The following SHLD1 variants were observed in gnomAD, a reference collection of about 807,000 sequenced individuals.
The protein encoded by SHLD1 is shieldin complex subunit 1, also known as RINN1-REV7-interacting novel NHEJ regulator 3.
Under a neutral mutation model 5.5 loss-of-function variants are expected in SHLD1, and 3 were observed. That is an observed-to-expected ratio of 0.54 (90% CI 0.25 to 1.40). SHLD1 has a LOEUF of 1.40. SHLD1 is among the 40% of genes most tolerant of loss of function. SHLD1 has a pLI of 0.15. For missense variants in SHLD1, 210 were observed against 244.4 expected (o/e 0.86, Z 0.94); for synonymous variants, 92 against 94.3 (o/e 0.98, Z 0.14).
chr20:5,768,812 C>T (rs940072772), intron 1 of SHLD1, among the ~76,000 whole-genome samples: 16 of 151,814 alleles, frequency 1.1e-4, no homozygotes, highest in Non-Finnish European at 2.2e-4. Context: ...CACGTGGGCA[C>T]ATTGGCTGGG....
At chr20:5,792,967 G>T (rs1030691148) in intron 2 of SHLD1, among the ~76,000 whole-genome samples, 5 of 152,190 alleles carry the variant, frequency 3.3e-5, no homozygotes, top group Admixed American at 1.3e-4. Context: ...GAGCCACCAC[G>T]CCTGGCCTCG....
chr20:5,798,778 C>T (rs571191774), intron 2 of SHLD1, among the ~76,000 whole-genome samples: 138 of 151,596 alleles, frequency 9.1e-4, no homozygotes, highest in African/African-American at 3.2e-3. Flanking sequence ...CCACCGTGCC[C>T]GGCTAATTTT....
chr20:5,784,706 T>A (rs1259820078), intron 2 of SHLD1, among the ~76,000 whole-genome samples: 2 of 152,322 alleles, frequency 1.3e-5, no homozygotes, highest in East Asian at 1.9e-4. Context: ...CGCCTCAGCC[T>A]CCCAAAGTGC....
chr20:5,780,692 T>A (rs917312180), intron 2 of SHLD1, among the ~76,000 whole-genome samples: 1 of 152,218 alleles, frequency 6.6e-6, no homozygotes, highest in Non-Finnish European at 1.5e-5. Context: ...GGCCTATCCC[T>A]GCCCTGCTTT....
intron 2 of SHLD1, among the ~76,000 whole-genome samples, chr20:5,861,378 T>A (rs1053734718): frequency 6.6e-6 from 1 of 152,262 alleles, no homozygotes; most frequent in Non-Finnish European, 1.5e-5. Context: ...CTCTTCTTCC[T>A]ACTTAGATTC....
intron 2 of SHLD1, among the ~76,000 whole-genome samples, chr20:5,796,382 A>G (rs1005408074): frequency 4.6e-5 from 7 of 150,682 alleles, no homozygotes; most frequent in African/African-American, 9.8e-5. Context: ...GATAATTGCT[A>G]AACTATGATT....
At chr20:5,767,057 C>G (rs903194794) in intron 1 of SHLD1, among the ~76,000 whole-genome samples, 1 of 152,162 alleles carries the variant, frequency 6.6e-6, no homozygotes, top group Admixed American at 6.6e-5. Flanking sequence ...AATAAAAAAC[C>G]CAGTCACCGA....
chr20:5,816,135 T>A (rs1345840063), intron 2 of SHLD1, among the ~76,000 whole-genome samples: 1 of 149,184 alleles, frequency 6.7e-6, no homozygotes, highest in Non-Finnish European at 1.5e-5. Flanking sequence ...CATAAACTGG[T>A]AGAATACACA....
intron 2 of SHLD1, among the ~76,000 whole-genome samples, chr20:5,859,152 G>A (rs748474881): frequency 6.6e-5 from 10 of 152,196 alleles, no homozygotes. Context: ...GAAGGGTGCT[G>A]TGCAGGGAAT....
At chr20:5,818,095 T>A (rs1161900622) in intron 2 of SHLD1, among the ~76,000 whole-genome samples, 2 of 152,102 alleles carry the variant, frequency 1.3e-5, no homozygotes, top group South Asian at 2.1e-4. Context: ...TTTATTTTTT[T>A]ATTTTTTTTG....
intron 1 of SHLD1, among the ~76,000 whole-genome samples, chr20:5,759,112 G>T (rs373233241): frequency 6.6e-6 from 1 of 151,402 alleles, no homozygotes; most frequent in Non-Finnish European, 1.5e-5. Context: ...CCGCCACCAC[G>T]CCCAGCTAAT....
chr20:5,779,654 G>A (rs1247866524), intron 2 of SHLD1, among the ~76,000 whole-genome samples: 1 of 152,138 alleles, frequency 6.6e-6, no homozygotes. Context: ...GTGTTGTAAG[G>A]AAGTTGATCT....
intron 2 of SHLD1, among the ~76,000 whole-genome samples, chr20:5,839,021 A>G (rs1395658788): frequency 6.6e-6 from 1 of 152,118 alleles, no homozygotes; most frequent in Non-Finnish European, 1.5e-5. Context: ...TACACCATGG[A>G]GATAGATTGG....
At chr20:5,846,427 G>A (rs949456487) in intron 2 of SHLD1, among the ~76,000 whole-genome samples, 1 of 152,230 alleles carries the variant, frequency 6.6e-6, no homozygotes, top group African/African-American at 2.4e-5. Context: ...CTTGGCCGCA[G>A]TAAACAGTCG....
chr20:5,767,572 C>T (rs886204825), intron 1 of SHLD1, among the ~76,000 whole-genome samples: 4 of 152,178 alleles, frequency 2.6e-5, no homozygotes, highest in African/African-American at 4.8e-5. Flanking sequence ...CCACTGCAGG[C>T]GAATGAATTC....
At chr20:5,816,645 A>G (rs924486758) in intron 2 of SHLD1, among the ~76,000 whole-genome samples, 5 of 152,310 alleles carry the variant, frequency 3.3e-5, no homozygotes, top group Non-Finnish European at 7.3e-5. Context: ...TTTCCAGTTC[A>G]TATTTTTTCT....
intron 2 of SHLD1, among the ~76,000 whole-genome samples, chr20:5,817,432 CTGTGTG>C (rs1190340129): frequency 0.02 from 1,742 of 85,328 alleles, 24 homozygotes; most frequent in Middle Eastern, 0.035. Context: ...CTCTCTCTCT[CTGTGTG>C]TGTGTGTGTG....
chr20:5,816,348 C>T, intron 2 of SHLD1, among the ~76,000 whole-genome samples: 1 of 152,108 alleles, frequency 6.6e-6, no homozygotes, highest in East Asian at 1.9e-4. Flanking sequence ...GATTCCCCTT[C>T]AGAAATAGTA....
intron 2 of SHLD1, among the ~76,000 whole-genome samples, chr20:5,820,473 A>G (rs1397523716): frequency 6.6e-6 from 1 of 152,220 alleles, no homozygotes; most frequent in Non-Finnish European, 1.5e-5. Context: ...TGAAGTGTGA[A>G]TTAAAGGCAG....
Sources: allele counts gnomAD v4.1 joint callset (sites outside exome capture counted in the v4.1 genomes callset), GRCh38; gene constraint gnomAD v4.1.1; transcripts MANE v1.5; gene names NCBI Gene and HGNC (gene_info 2026-07-23, HGNC 2026-07-21).